Variants in YTHDC2 observed in about 807,000 individuals in gnomAD.
The protein encoded by YTHDC2 is 3'-5' RNA helicase YTHDC2.
A neutral mutation model predicts 174.9 loss-of-function variants in YTHDC2; 45 were observed. That is an observed-to-expected ratio of 0.26 (90% CI 0.20 to 0.33). The LOEUF (loss-of-function observed/expected upper bound fraction) is 0.33, where lower values mean the gene tolerates loss of function less well. Ranked by LOEUF, YTHDC2 falls within the 10% of genes least tolerant of loss-of-function variation. The pLI is 1.00. For missense variants in YTHDC2, 1,650 were observed against 1,723.7 expected (o/e 0.96, Z 0.76); for synonymous variants, 657 against 574.5 (o/e 1.14, Z -2.05).
Position 113,581,461 on chromosome 5 carries a change from A to G in YTHDC2, c.3399A>G (p.Leu1133=). 3 of 1,613,034 alleles carry G rather than the reference A, an allele frequency of 1.9e-6. No individual in the cohort carries two copies. Among genetic ancestry groups the G allele is most frequent in the Non-Finnish European group, 1.7e-6 (2 of 1,179,590 alleles). ...AGCTCAGACAGAAGTGGCATAGCTT[A>G]TTTTTACGCCGAATGAGAGCTCCAT... ...LLQLRQKWHS[L]FLRRMRAPSK... is the part of the protein sequence containing the mutation. The change falls in exon 25 of 30, where the codon TTA becomes TTG. Residue 1133 remains leucine (L), a synonymous_variant. Transcript: ENST00000161863.
intron 1 of YTHDC2, 86 bp downstream of exon 1, chr5:113,514,168 G>T (rs1380970813): frequency 6.7e-7 from 1 of 1,497,836 alleles, no homozygotes; most frequent in Non-Finnish European, 9.0e-7. Flanking sequence ...CCGAGTGATG[G>T]GGGTGCCTCC....
rs1294031739 is a variant in YTHDC2 at position 113,548,584 on chromosome 5, T to A, written c.1539T>A (p.Val513=). 4 of 1,613,232 alleles carry A rather than the reference T, an allele frequency of 2.5e-6. No individual in the cohort carries two copies. The highest frequency in any genetic ancestry group is 4.5e-5 in the East Asian group (2 of 44,860). The part of the protein sequence containing the change: ...HSETSATALM[V]AAGRGFASQV... Reference sequence around the variant, plus strand: ...AAACCAGTGCAACAGCTCTGATGGTTGCTGCAGGACGTGGCTTTGCAAGTC... The same window carrying A: ...AAACCAGTGCAACAGCTCTGATGGTAGCTGCAGGACGTGGCTTTGCAAGTC... Residue 513 remains valine, a synonymous_variant, in exon 11 of 30, where the codon GTT becomes GTA. Coordinates refer to ENST00000161863, the MANE Select transcript of YTHDC2 (RefSeq NM_022828.5).
intron 2 of YTHDC2, among the ~76,000 whole-genome samples, chr5:113,516,673 G>A (rs866011746): frequency 6.6e-6 from 1 of 152,158 alleles, no homozygotes; most frequent in African/African-American, 2.4e-5. Context: ...AATTGCTCAG[G>A]TTGAGAACTA....
At chr5:113,515,876 T>C (rs1056019870) in intron 2 of YTHDC2, among the ~76,000 whole-genome samples, 2 of 152,228 alleles carry the variant, frequency 1.3e-5, no homozygotes, top group African/African-American at 2.4e-5. Flanking sequence ...TGTGTTCTTT[T>C]AGCAAGGTTG....
At chr5:113,521,612 T>G (rs1773863097) in intron 2 of YTHDC2, among the ~76,000 whole-genome samples, 3 of 151,566 alleles carry the variant, frequency 2.0e-5, no homozygotes, top group South Asian at 4.2e-4. Context: ...GCGGCTGTAG[T>G]CCCAGCTACT....
intron 2 of YTHDC2, among the ~76,000 whole-genome samples, chr5:113,521,536 G>C (rs1231520863): frequency 1.3e-5 from 2 of 151,976 alleles, no homozygotes; most frequent in Non-Finnish European, 2.9e-5. Context: ...TTCCAGACCA[G>C]CCTGACTAAT....
intron 23 of YTHDC2, among the ~76,000 whole-genome samples, chr5:113,574,248 A>C (rs1561693509): frequency 6.6e-6 from 1 of 152,038 alleles, no homozygotes; most frequent in Non-Finnish European, 1.5e-5. Context: ...TCCCCACCAG[A>C]CCTCAGTTGC....
intron 10 of YTHDC2, among the ~76,000 whole-genome samples, chr5:113,546,148 C>G (rs1225301335): frequency 1.3e-5 from 2 of 152,144 alleles, no homozygotes; most frequent in African/African-American, 4.8e-5. Flanking sequence ...AATATTTACT[C>G]TGAAGAGTTT....
rs1778407769 is a variant in YTHDC2, at chr5:113,581,632, C to G, written c.3570C>G (p.Ala1190=). Residue 1190 remains alanine, a synonymous_variant, in exon 25 of 30, where the codon GCC becomes GCG. Transcript: ENST00000161863. ...RPMSSEELPL[A]SSWRSNNSRK... ...TGTCTTCAGAAGAGCTTCCTTTGGC[C>G]TCATCTTGGAGGTCAAATAATAGTA... 1.9e-6 allele frequency: 3 copies of G among 1,613,386 alleles called. No homozygotes were observed. The highest frequency in any genetic ancestry group is 3.3e-5 in the Admixed American group (2 of 59,838).
At chr5:113,588,115 T>C (rs1193050269) in intron 26 of YTHDC2, among the ~76,000 whole-genome samples, 1 of 152,114 alleles carries the variant, frequency 6.6e-6, no homozygotes, top group African/African-American at 2.4e-5. Flanking sequence ...TTATTTCATT[T>C]ATTAATTCTA....
intron 2 of YTHDC2, 32 bp from the exon 3 acceptor site, chr5:113,524,945 TTATA>T: frequency 1.4e-6 from 2 of 1,471,348 alleles, no homozygotes; most frequent in Non-Finnish European, 1.8e-6. Flanking sequence ...CAAGTTGACT[TTATA>T]TAGTAAATAA....
At chr5:113,582,959 C>T (rs1015669915) in intron 25 of YTHDC2, 5 of 151,960 alleles carry the variant, frequency 3.3e-5, no homozygotes, top group Non-Finnish European at 7.4e-5. Flanking sequence ...TTAGATACAC[C>T]GTACTTTTTG....
In YTHDC2 at chr5:113,593,483, AC is replaced by A; in HGVS notation, c.*10del. ...CTTTTTTTTTCCCCTTTCTTCTAGAACTCTTAGCTGTGGAAGAACATCATGC... is the reference window on the plus strand; with the variant it reads ...CTTTTTTTTTCCCCTTTCTTCTAGAATCTTAGCTGTGGAAGAACATCATGC... On this transcript the variant is annotated splice_region_variant and 3_prime_UTR_variant, in exon 30 of 30. Transcript: ENST00000161863. 2.0e-6 allele frequency: 2 copies of A among 1,011,308 alleles called. No homozygotes were observed. The highest frequency in any genetic ancestry group is 2.9e-6 in the Non-Finnish European group (2 of 693,044). The allele number at this position is 1,011,308 out of a possible 1,614,324, so 62.6% of individuals were successfully genotyped here. A position where few individuals can be genotyped will look rare whatever the true frequency, so the allele number is the denominator to read the frequency against.
intron 17 of YTHDC2, among the ~76,000 whole-genome samples, chr5:113,557,122 T>A (rs924680807): frequency 6.6e-6 from 1 of 152,174 alleles, no homozygotes; most frequent in African/African-American, 2.4e-5. Context: ...GGGAGAAACA[T>A]TAAAAAACAA....
chr5:113,589,379 C>G (rs1172731055), intron 26 of YTHDC2, among the ~76,000 whole-genome samples: 2 of 110,174 alleles, frequency 1.8e-5, no homozygotes, highest in African/African-American at 7.2e-5. Flanking sequence ...TCTAGAAGTT[C>G]AAGTCTTTTA....
In YTHDC2 at chr5:113,595,166, C is replaced by G. The variant is rs1779196382; in HGVS notation, c.*1692C>G. 6.6e-6 allele frequency: 1 copy of G among 151,836 alleles called. No homozygotes were observed. The highest frequency in any genetic ancestry group is 1.5e-5 in the Non-Finnish European group (1 of 67,960). 9.4% of individuals were successfully genotyped at this position (151,836 alleles called of 1,614,324 possible). A position where few individuals can be genotyped will look rare whatever the true frequency, so the allele number is the denominator to read the frequency against. On this transcript the variant is annotated 3_prime_UTR_variant, in exon 30 of 30. Coordinates refer to ENST00000161863, the MANE Select transcript of YTHDC2 (RefSeq NM_022828.5). ...TCCATCTGTTTTGTAATATCTAGCT[C>G]TATATGTAAATGATGGGTTTGTTGG...
chr5:113,560,744 T>C (rs1403871493), intron 17 of YTHDC2, among the ~76,000 whole-genome samples: 1 of 152,236 alleles, frequency 6.6e-6, no homozygotes, highest in Non-Finnish European at 1.5e-5. Context: ...TGATATAAGC[T>C]CAGTAAAATT....
intron 13 of YTHDC2, 30 bp from the exon 14 acceptor site, chr5:113,553,560 T>A: frequency 6.2e-7 from 1 of 1,603,154 alleles, no homozygotes; most frequent in Non-Finnish European, 8.5e-7. Flanking sequence ...CACAATGAGA[T>A]TTAATATTAA....
chr5:113,593,130 A>G (rs185642986), intron 28 of YTHDC2, 173 bp from the exon 29 acceptor site: 10 of 462,674 alleles, frequency 2.2e-5, no homozygotes, highest in Admixed American at 1.4e-4. Context: ...AGTCAACTCC[A>G]TAAACCTTAA....
Sources: allele counts gnomAD v4.1 joint callset (sites outside exome capture counted in the v4.1 genomes callset), GRCh38; gene constraint gnomAD v4.1.1; transcripts MANE v1.5; gene names NCBI Gene and HGNC (gene_info 2026-07-23, HGNC 2026-07-21).